Variants in SUCO observed in about 807,000 individuals in gnomAD.
SUCO encodes the protein SUN domain-containing ossification factor.
A neutral mutation model predicts 148.1 loss-of-function variants in SUCO; 57 were observed. That is an observed-to-expected ratio of 0.38 (90% CI 0.31 to 0.48). The LOEUF is 0.48. Among genes scored for constraint, SUCO ranks in the 20% least tolerant of loss-of-function variants. The pLI is 0.96. For missense variants in SUCO, 1,331 were observed against 1,468.2 expected (o/e 0.91, Z 1.53); for synonymous variants, 470 against 502.7 (o/e 0.93, Z 0.87).
At position 172,577,529 on chromosome 1, in the gene SUCO, C is replaced by T. The variant is rs747716811; in HGVS notation, c.1264-10C>T. On this transcript the variant is annotated splice_polypyrimidine_tract_variant and intron_variant, in intron 11 of 23. Coordinates refer to ENST00000263688, the MANE Select transcript of SUCO (RefSeq NM_014283.5). ...CTGATTTCTTTTTCTTTTCCTTTCT[C>T]TTGCTTCAGATGTTCATCAAGTACA... The T allele has an allele frequency of 4.3e-6, 7 of 1,609,482 alleles. No individual in the cohort carries two copies. In the Admixed American group the frequency reaches 1.0e-4, roughly 23 times the overall value.
chr1:172,578,193 G>A, intron 13 of SUCO, 105 bp from the exon 14 acceptor site: 1 of 817,684 alleles, frequency 1.2e-6, no homozygotes. Context: ...AAAAGCCAGT[G>A]GCCCTCAAAA....
At position 172,585,055 on chromosome 1, in the gene SUCO, TC is replaced by T; in HGVS notation, c.1537del (p.Leu513TrpfsTer8). The T allele has an allele frequency of 6.2e-7, 1 of 1,605,798 alleles. No individual in the cohort carries two copies. Among genetic ancestry groups the T allele is most frequent in the East Asian group, 2.3e-5 (1 of 44,398 alleles). On this transcript the variant is annotated frameshift_variant, in exon 16 of 24. Transcript: ENST00000263688. LOFTEE classifies it high-confidence loss of function. ...LNMVNIAANI[L>X]GAKTEDLTEG... ...ATATGGTGAATATTGCTGCTAATAT[TC>T]TGGGAGCAAAAACTGAAGACCTGAC...
intron 1 of SUCO, among the ~76,000 whole-genome samples, chr1:172,541,099 A>T (rs1652421411): frequency 6.6e-6 from 1 of 152,228 alleles, no homozygotes; most frequent in Admixed American, 6.5e-5. Context: ...TATATTTTAA[A>T]AACAATAAAA....
chr1:172,532,987 G>T, upstream of SUCO: 4 of 1,398,678 alleles, frequency 2.9e-6, no homozygotes, highest in Non-Finnish European at 3.7e-6. Flanking sequence ...GCAGAGGCTG[G>T]TGGGGGTGCG....
chr1:172,602,660 CGTT>C (rs779304699), intron 21 of SUCO, 33 bp from the exon 22 acceptor site: 16 of 1,604,282 alleles, frequency 1.0e-5, no homozygotes, highest in African/African-American at 1.3e-5. Context: ...GTGCTTTACT[CGTT>C]GTAACCAATA....
chr1:172,595,852 G>A (rs1657056619), intron 19 of SUCO, among the ~76,000 whole-genome samples: 1 of 152,166 alleles, frequency 6.6e-6, no homozygotes, highest in African/African-American at 2.4e-5. Flanking sequence ...AGTTCTCGTG[G>A]ATAATACCCT....
At chr1:172,532,397 G>C (rs867576336), upstream of SUCO, 1 of 1,157,200 alleles carries the variant, frequency 8.6e-7, no homozygotes, top group Middle Eastern at 2.0e-4. Context: ...CACACTTAAA[G>C]TGAGGAACCC....
At chr1:172,547,377 A>G (rs965590531) in intron 1 of SUCO, among the ~76,000 whole-genome samples, 5 of 152,240 alleles carry the variant, frequency 3.3e-5, no homozygotes, top group African/African-American at 7.2e-5. Context: ...TTTTGTAGAC[A>G]TAGTTTTCAT....
At chr1:172,593,147 T>C (rs1029440177) in intron 19 of SUCO, among the ~76,000 whole-genome samples, 5 of 152,234 alleles carry the variant, frequency 3.3e-5, no homozygotes, top group African/African-American at 1.2e-4. Flanking sequence ...TTTGCTGAAG[T>C]TGCTTATCAG....
At chr1:172,545,159 A>C (rs775307883) in intron 1 of SUCO, among the ~76,000 whole-genome samples, 1 of 152,206 alleles carries the variant, frequency 6.6e-6, no homozygotes, top group Non-Finnish European at 1.5e-5. Flanking sequence ...GATTTGGAAA[A>C]GGAAGCTAAT....
intron 1 of SUCO, chr1:172,550,973 T>G: frequency 1.5e-6 from 1 of 647,292 alleles, no homozygotes; most frequent in Non-Finnish European, 1.9e-6. Context: ...CTAGAGACTT[T>G]CTTTTTTATT....
chr1:172,548,251 T>TA (rs1028349451), intron 1 of SUCO, among the ~76,000 whole-genome samples: 1 of 151,816 alleles, frequency 6.6e-6, no homozygotes, highest in African/African-American at 2.4e-5. Context: ...TTTATAATTT[T>TA]AAAAATGTTT....
intron 1 of SUCO, chr1:172,541,912 TTTGC>T: frequency 1.1e-6 from 1 of 892,254 alleles, no homozygotes; most frequent in Non-Finnish European, 1.3e-6. Context: ...TTTCTGTTTG[TTTGC>T]TTGTTTGTTT....
At chr1:172,569,522 T>G (rs1654789920) in intron 7 of SUCO, 1 of 981,218 alleles carries the variant, frequency 1.0e-6, no homozygotes, top group Non-Finnish European at 1.2e-6. Context: ...GTTTTACATA[T>G]GATGTTTCAA....
intron 19 of SUCO, among the ~76,000 whole-genome samples, chr1:172,591,564 A>G (rs1429591304): frequency 2.0e-5 from 3 of 151,714 alleles, no homozygotes; most frequent in African/African-American, 7.3e-5. Context: ...TTTGCTCAGA[A>G]TGATGGTTTC....
intron 23 of SUCO, among the ~76,000 whole-genome samples, 197 bp downstream of exon 23, chr1:172,608,999 A>T (rs1658037795): frequency 6.6e-6 from 1 of 152,132 alleles, no homozygotes; most frequent in Non-Finnish European, 1.5e-5. Flanking sequence ...CATGAGCCAG[A>T]TAGGTTTTCT....
chr1:172,542,121 T>C (rs1169812469), intron 1 of SUCO, among the ~76,000 whole-genome samples: 1 of 152,146 alleles, frequency 6.6e-6, no homozygotes, highest in East Asian at 1.9e-4. Context: ...GGCTTATGCC[T>C]GTAATCCCAG....
chr1:172,552,551 G>T, intron 2 of SUCO: 11 of 779,814 alleles, frequency 1.4e-5, no homozygotes, highest in Non-Finnish European at 1.6e-5. Context: ...ATACTTGAGG[G>T]TTTTTTGGGC....
At chr1:172,542,480 C>T (rs567420163) in intron 1 of SUCO, among the ~76,000 whole-genome samples, 11 of 152,300 alleles carry the variant, frequency 7.2e-5, no homozygotes, top group African/African-American at 1.2e-4. Context: ...TCTGTTAGGA[C>T]CCTGACCTCA....
Sources: gnomAD v4.1 joint callset for allele counts (sites outside exome capture counted in the v4.1 genomes callset) on GRCh38, gnomAD v4.1.1 for gene constraint, MANE v1.5 for transcripts, NCBI Gene and HGNC (gene_info 2026-07-23, HGNC 2026-07-21) for gene names.